ARG2: variants seen among roughly 807,000 people sequenced by gnomAD.
The protein encoded by ARG2 is arginase 2, also known as arginase-2, mitochondrial.
Under a neutral mutation model 39.4 loss-of-function variants are expected in ARG2, and 21 were observed. The observed-to-expected ratio is 0.53, with a 90% CI of 0.38 to 0.77. The LOEUF (loss-of-function observed/expected upper bound fraction) is 0.77. Among genes scored for constraint, ARG2 ranks in the 30% least tolerant of loss-of-function variants. ARG2 has a pLI of 0.00. For synonymous variants in ARG2, 150 were observed against 156.7 expected, an observed-to-expected ratio of 0.96 and a Z score of 0.32; for missense variants, 378 against 426.2, an observed-to-expected ratio of 0.89 and a Z score of 1.00.
At chr14:67,639,290 T>G (rs961805406) in intron 2 of ARG2, among the ~76,000 whole-genome samples, 2 of 152,208 alleles carry the variant, frequency 1.3e-5, no homozygotes, top group Non-Finnish European at 2.9e-5. Flanking sequence ...GTTCTGTGAC[T>G]TATCCACTGG....
At chr14:67,633,410 C>T (rs916989393) in intron 2 of ARG2, among the ~76,000 whole-genome samples, 2 of 152,200 alleles carry the variant, frequency 1.3e-5, no homozygotes, top group Admixed American at 6.5e-5. Context: ...TTCAGCGATA[C>T]TGTCAGCCAT....
At chr14:67,627,564 A>G (rs931944258) in intron 2 of ARG2, among the ~76,000 whole-genome samples, 1 of 152,104 alleles carries the variant, frequency 6.6e-6, no homozygotes, top group African/African-American at 2.4e-5. Context: ...TCAACAGCAA[A>G]TATCAGTGAT....
intron 7 of ARG2, 88 bp from the exon 8 acceptor site, chr14:67,650,627 T>C (rs2037160952): frequency 1.6e-6 from 2 of 1,224,586 alleles, no homozygotes; most frequent in Admixed American, 3.5e-5. Flanking sequence ...GTTTTTACTT[T>C]GGCTTGTTCT....
At chr14:67,638,278 C>T (rs528760810) in intron 2 of ARG2, among the ~76,000 whole-genome samples, 45 of 152,002 alleles carry the variant, frequency 3.0e-4, no homozygotes, top group African/African-American at 1.1e-3. Context: ...AATCCTAGCA[C>T]TTTAGAAGGC....
intron 1 of ARG2, among the ~76,000 whole-genome samples, chr14:67,620,556 C>T (rs1053658537): frequency 3.9e-5 from 6 of 152,166 alleles, no homozygotes; most frequent in Non-Finnish European, 8.8e-5. Flanking sequence ...GAGCTGGCCT[C>T]TCCAGCGCGG....
At position 67,650,544 on chromosome 14, in the gene ARG2, A is replaced by C; in HGVS notation, c.860-171A>C. The C allele has an allele frequency of 1.1e-5, 7 of 619,088 alleles. No homozygotes were observed. The South Asian group carries it at 1.4e-4, about 12-fold the overall frequency. The allele number at this position is 619,088 out of a possible 1,614,324, so 38.3% of individuals were successfully genotyped here. On this transcript the variant is annotated intron_variant, in intron 7 of 7. Transcript: ENST00000261783. ...TATAGCACAACAGTGTTTTAACTTA[A>C]ATTCATGGCCAAGAGGATGAGGTGC...
chr14:67,625,679 T>G (rs1365948698), intron 2 of ARG2, among the ~76,000 whole-genome samples: 2 of 30,302 alleles, frequency 6.6e-5, no homozygotes, highest in African/African-American at 4.7e-4. Context: ...AAACTCCATC[T>G]CAAAAAAAAA....
At chr14:67,648,467 TTTGAG>T in intron 7 of ARG2, 3 of 246,582 alleles carry the variant, frequency 1.2e-5, no homozygotes, top group Non-Finnish European at 2.3e-5. Flanking sequence ...GATGCAGTTC[TTTGAG>T]TTATCTAAAG....
At chr14:67,621,992 G>A (rs1056793766) in intron 2 of ARG2, among the ~76,000 whole-genome samples, 2 of 152,074 alleles carry the variant, frequency 1.3e-5, no homozygotes, top group Non-Finnish European at 2.9e-5. Flanking sequence ...AGCTACTCAG[G>A]AGCCTGAGAC....
Position 67,651,128 on chromosome 14 carries a change from T to C in ARG2, c.*208T>C. On this transcript the variant is annotated 3_prime_UTR_variant, in exon 8 of 8. Transcript: ENST00000261783. ...TTTTTTGCAGTTCACAGGGTATTAA[T>C]ATGCTACAGTACTATGTAAATTTAA... The C allele has an allele frequency of 1.1e-6, 1 of 899,874 alleles. No individual in the cohort carries two copies. Among genetic ancestry groups the C allele is most frequent in the Non-Finnish European group, 1.7e-6 (1 of 605,644 alleles). 55.7% of individuals were successfully genotyped at this position (899,874 alleles called of 1,614,324 possible).
intron 1 of ARG2, 113 bp from the exon 2 acceptor site, chr14:67,620,781 G>T: frequency 1.0e-6 from 1 of 959,334 alleles, no homozygotes; most frequent in East Asian, 2.5e-5. Flanking sequence ...ATTGATGGAA[G>T]GGCTGATGCT....
intron 2 of ARG2, among the ~76,000 whole-genome samples, chr14:67,634,954 G>C (rs183116064): frequency 2.0e-5 from 3 of 152,324 alleles, no homozygotes; most frequent in Admixed American, 1.3e-4. Flanking sequence ...CAAGACACAT[G>C]GTTCTTTGGC....
chr14:67,625,547 G>A (rs957749695), intron 2 of ARG2, among the ~76,000 whole-genome samples: 1 of 151,874 alleles, frequency 6.6e-6, no homozygotes, highest in African/African-American at 2.4e-5. Context: ...GGGCATGGTG[G>A]TGCATGCCTG....
chr14:67,650,630 C>A, intron 7 of ARG2, 85 bp from the exon 8 acceptor site: 1 of 1,290,536 alleles, frequency 7.7e-7, no homozygotes, highest in Non-Finnish European at 1.1e-6. Context: ...TTTACTTTGG[C>A]TTGTTCTCCC....
chr14:67,638,531 C>T (rs1277827741), intron 2 of ARG2, among the ~76,000 whole-genome samples: 4 of 152,180 alleles, frequency 2.6e-5, no homozygotes, highest in Non-Finnish European at 5.9e-5. Context: ...TCTTCTTTGA[C>T]GCCCCTGATC....
At chr14:67,645,600 T>G (rs374202986) in intron 3 of ARG2, 43 bp from the exon 4 acceptor site, 411 of 1,590,548 alleles carry the variant, frequency 2.6e-4, no homozygotes, top group Non-Finnish European at 3.2e-4. Flanking sequence ...TCGGTCATGT[T>G]TGCCAAGCAG....
chr14:67,644,142 T>C (rs2037067448), intron 3 of ARG2, among the ~76,000 whole-genome samples: 1 of 152,224 alleles, frequency 6.6e-6, no homozygotes, highest in African/African-American at 2.4e-5. Flanking sequence ...CAGCTCAATG[T>C]TAAAGCTTAG....
intron 3 of ARG2, among the ~76,000 whole-genome samples, chr14:67,645,184 T>C (rs2140776471): frequency 6.6e-6 from 1 of 152,146 alleles, no homozygotes; most frequent in Middle Eastern, 3.4e-3. Flanking sequence ...TTTCTTTTTT[T>C]TTTTTCATTT....
intron 3 of ARG2, among the ~76,000 whole-genome samples, chr14:67,644,180 A>G (rs973230225): frequency 6.6e-6 from 1 of 152,360 alleles, no homozygotes; most frequent in East Asian, 1.9e-4. Flanking sequence ...AGAGGAAGAG[A>G]TAAGTGCATA....
Sources: allele counts gnomAD v4.1 joint callset (sites outside exome capture counted in the v4.1 genomes callset), GRCh38; gene constraint gnomAD v4.1.1; transcripts MANE v1.5; gene names NCBI Gene and HGNC (gene_info 2026-07-23, HGNC 2026-07-21).